Variants in CDH4 observed in about 807,000 individuals in gnomAD.
CDH4 encodes the protein cadherin-4.
CDH4 carries 33 observed loss-of-function variants against 86.0 expected under a neutral mutation model. The ratio of observed to expected loss-of-function variants is 0.38; its 90% CI spans 0.29 to 0.51. The LOEUF (loss-of-function observed/expected upper bound fraction) is 0.51. Ranked by LOEUF, CDH4 falls within the 20% of genes least tolerant of loss-of-function variation. CDH4 has a pLI of 0.86. For missense variants in CDH4, 1,114 were observed against 1,307.4 expected, an observed-to-expected ratio of 0.85 and a Z score of 2.28; for synonymous variants, 555 against 549.4, an observed-to-expected ratio of 1.01 and a Z score of -0.14.
intron 4 of CDH4, among the ~76,000 whole-genome samples, chr20:61,814,995 C>T (rs1266597020): frequency 6.6e-6 from 1 of 152,172 alleles, no homozygotes; most frequent in Admixed American, 6.5e-5. Context: ...GGTTGGGAGG[C>T]ACCCCTCAAA....
Position 61,894,950 on chromosome 20 carries a change from T to C in CDH4, c.1091T>C (p.Met364Thr). 6.2e-7 allele frequency: 1 copy of C among 1,613,898 alleles called. No individual in the cohort carries two copies. The highest frequency in any genetic ancestry group is 8.5e-7 in the Non-Finnish European group (1 of 1,179,966). ...QYTVIVQATD[M>T]EGNLNYGLSN... is the part of the protein sequence containing the mutation. Reference sequence around the variant, plus strand: ...ACAGTCATCGTTCAGGCCACAGATATGGAAGGAAATCTCAACTATGGCCTC... The same window carrying C: ...ACAGTCATCGTTCAGGCCACAGATACGGAAGGAAATCTCAACTATGGCCTC... The change falls in exon 8 of 16, where the codon ATG becomes ACG. Residue 364 changes from methionine (M) to threonine (T), a missense_variant. By Grantham distance (81) the Met-to-Thr change is moderately conservative. This residue lies in a region of CDH4 where 705 missense variants were observed against 914.1 expected (regional missense o/e 0.77). Coordinates refer to ENST00000614565, the MANE Select transcript of CDH4 (RefSeq NM_001794.5).
At chr20:61,422,462 AAAAAAC>A (rs2085185151) in intron 2 of CDH4, among the ~76,000 whole-genome samples, 2 of 56,358 alleles carry the variant, frequency 3.5e-5, no homozygotes, top group African/African-American at 1.8e-4. Context: ...AAAAAAAAAA[AAAAAAC>A]CAAATCTCCC....
At chr20:61,794,615 A>G (rs1349790240) in intron 4 of CDH4, among the ~76,000 whole-genome samples, 2 of 152,240 alleles carry the variant, frequency 1.3e-5, no homozygotes, top group Non-Finnish European at 2.9e-5. Context: ...TCAGGCAGAC[A>G]TGGGTGGGCA....
At chr20:61,470,533 C>G (rs1267337248) in intron 2 of CDH4, among the ~76,000 whole-genome samples, 2 of 152,048 alleles carry the variant, frequency 1.3e-5, no homozygotes, top group African/African-American at 4.8e-5. Flanking sequence ...CTTTCTTTCT[C>G]TTGTCTAATT....
intron 2 of CDH4, chr20:61,718,507 G>A (rs16985493): frequency 0.046 from 14,454 of 317,434 alleles, 442 homozygotes; most frequent in Middle Eastern, 0.09. Context: ...GGACAGTGCC[G>A]TCCCATATCC....
chr20:61,910,352 C>A, intron 8 of CDH4, 70 bp from the exon 9 acceptor site: 1 of 1,326,496 alleles, frequency 7.5e-7, no homozygotes, highest in Non-Finnish European at 1.1e-6. Context: ...TGCACATATG[C>A]TACGTGCACT....
At chr20:61,597,022 G>A (rs951020704) in intron 2 of CDH4, among the ~76,000 whole-genome samples, 3 of 152,226 alleles carry the variant, frequency 2.0e-5, no homozygotes, top group South Asian at 2.1e-4. Context: ...AGTAACAAGA[G>A]CCTTCAGTGG....
intron 2 of CDH4, among the ~76,000 whole-genome samples, chr20:61,466,660 A>G (rs890363172): frequency 2.0e-5 from 3 of 152,100 alleles, no homozygotes; most frequent in Admixed American, 2.0e-4. Context: ...CCTGGGCAAC[A>G]TGGCAAAACT....
intron 2 of CDH4, among the ~76,000 whole-genome samples, chr20:61,656,266 C>T (rs1293514914): frequency 1.7e-5 from 2 of 116,888 alleles, no homozygotes; most frequent in African/African-American, 3.3e-5. Flanking sequence ...GGTGGGCAGG[C>T]GCGTGCTGGG....
chr20:61,686,648 CGT>C (rs780728800), intron 2 of CDH4, among the ~76,000 whole-genome samples: 1 of 127,468 alleles, frequency 7.8e-6, no homozygotes, highest in African/African-American at 3.1e-5. Flanking sequence ...TGTGCATTCG[CGT>C]GTGTGCATTC....
chr20:61,802,276 T>C (rs1219095266), intron 4 of CDH4, among the ~76,000 whole-genome samples: 1 of 152,026 alleles, frequency 6.6e-6, no homozygotes, highest in Non-Finnish European at 1.5e-5. Context: ...CTCAGAGAGG[T>C]CAGGATTCTC....
chr20:61,467,954 G>A (rs926546102), intron 2 of CDH4, among the ~76,000 whole-genome samples: 1 of 152,200 alleles, frequency 6.6e-6, no homozygotes, highest in African/African-American at 2.4e-5. Flanking sequence ...AGTGGCACAG[G>A]GTGGTGTCAG....
chr20:61,935,117 C>T (rs926636140), intron 15 of CDH4, among the ~76,000 whole-genome samples: 4 of 152,202 alleles, frequency 2.6e-5, no homozygotes, highest in Admixed American at 1.3e-4. Flanking sequence ...GCAGGGATCA[C>T]GGTGTCCTCC....
intron 3 of CDH4, among the ~76,000 whole-genome samples, chr20:61,753,597 C>T (rs2088524299): frequency 6.6e-6 from 1 of 152,194 alleles, no homozygotes. Flanking sequence ...TCTGGCCTCA[C>T]AGGAAACACT....
intron 2 of CDH4, among the ~76,000 whole-genome samples, chr20:61,596,266 C>T (rs1047608044): frequency 5.9e-5 from 9 of 152,226 alleles, no homozygotes; most frequent in East Asian, 3.8e-4. Context: ...GACAGGTGCA[C>T]GCGCACTTCT....
At chr20:61,472,483 T>C (rs773831968) in intron 2 of CDH4, among the ~76,000 whole-genome samples, 1 of 152,218 alleles carries the variant, frequency 6.6e-6, no homozygotes, top group African/African-American at 2.4e-5. Context: ...TTGGTGAAGG[T>C]GATTTCCTCT....
At chr20:61,779,920 G>A (rs1327366766) in intron 4 of CDH4, among the ~76,000 whole-genome samples, 1 of 152,248 alleles carries the variant, frequency 6.6e-6, no homozygotes, top group Non-Finnish European at 1.5e-5. Flanking sequence ...CAGAATGTTT[G>A]CTGGGTAACT....
intron 2 of CDH4, among the ~76,000 whole-genome samples, chr20:61,551,560 G>C (rs533405742): frequency 6.6e-6 from 1 of 152,166 alleles, no homozygotes; most frequent in Non-Finnish European, 1.5e-5. Context: ...TTTGCCATTG[G>C]GGAACTTCCT....
intron 2 of CDH4, among the ~76,000 whole-genome samples, chr20:61,552,625 G>A (rs2086141439): frequency 6.6e-6 from 1 of 152,156 alleles, no homozygotes; most frequent in Non-Finnish European, 1.5e-5. Flanking sequence ...ACATGAACAT[G>A]GGAGGTGGAG....
Sources: allele counts gnomAD v4.1 joint callset (sites outside exome capture counted in the v4.1 genomes callset), GRCh38; gene constraint gnomAD v4.1.1; regional missense constraint gnomAD v4.1.1; transcripts MANE v1.5; gene names NCBI Gene and HGNC (gene_info 2026-07-23, HGNC 2026-07-21).